Variants in SNTG2 observed in about 807,000 individuals in gnomAD.
SNTG2 encodes syntrophin gamma 2.
In SNTG2, 74 loss-of-function variants were observed where a neutral mutation model predicts 70.9. The ratio of observed to expected loss-of-function variants is 1.04; its 90% CI spans 0.86 to 1.27. The LOEUF (loss-of-function observed/expected upper bound fraction) is 1.27, where lower values mean the gene tolerates loss of function less well. Among genes scored for constraint, SNTG2 ranks in the 50% most tolerant of loss-of-function variants. SNTG2 has a pLI of 0.00. For synonymous variants in SNTG2, 278 were observed against 273.8 expected (o/e 1.02, Z -0.15); for missense variants, 717 against 690.7 (o/e 1.04, Z -0.43).
At chr2:1,080,917 C>T (rs1475587526) in intron 1 of SNTG2, among the ~76,000 whole-genome samples, 2 of 152,114 alleles carry the variant, frequency 1.3e-5, no homozygotes, top group Non-Finnish European at 2.9e-5. Context: ...CTCCATTCTG[C>T]AGGAATCATT....
intron 4 of SNTG2, among the ~76,000 whole-genome samples, chr2:1,111,542 C>T (rs779746808): frequency 1.3e-5 from 2 of 152,190 alleles, no homozygotes; most frequent in African/African-American, 4.8e-5. Context: ...GCCATTGCTC[C>T]TCAAGTTCAG....
At chr2:1,208,954 C>T (rs1673852235) in intron 8 of SNTG2, 149 bp from the exon 9 acceptor site, 2 of 961,832 alleles carry the variant, frequency 2.1e-6, no homozygotes, top group Admixed American at 6.1e-5. Context: ...TTCTTTCTTT[C>T]CAGATCTTTC....
At chr2:1,234,090 T>C (rs28548900) in intron 9 of SNTG2, among the ~76,000 whole-genome samples, 48,111 of 152,040 alleles carry the variant, frequency 0.32, 9,075 homozygotes, top group African/African-American at 0.53. Flanking sequence ...GCGGCCACCA[T>C]GAGGCGGGTA....
At chr2:1,004,596 A>G (rs1480321532) in intron 1 of SNTG2, among the ~76,000 whole-genome samples, 1 of 152,228 alleles carries the variant, frequency 6.6e-6, no homozygotes, top group East Asian at 1.9e-4. Context: ...ATTGCAAATT[A>G]CAGCCGCAAT....
intron 9 of SNTG2, among the ~76,000 whole-genome samples, chr2:1,234,747 G>A (rs1484250306): frequency 2.0e-5 from 3 of 152,220 alleles, no homozygotes; most frequent in Non-Finnish European, 4.4e-5. Context: ...CAAGACCACA[G>A]CATCGATAAA....
At chr2:1,216,160 C>T (rs556218024) in intron 9 of SNTG2, among the ~76,000 whole-genome samples, 1 of 152,224 alleles carries the variant, frequency 6.6e-6, no homozygotes. Context: ...AACTAGTTTA[C>T]AGTCCCACCA....
chr2:1,092,319 AGTGAGGCCAGGCCTGT>A, intron 2 of SNTG2, among the ~76,000 whole-genome samples: 1 of 151,928 alleles, frequency 6.6e-6, no homozygotes, highest in Non-Finnish European at 1.5e-5. Context: ...TCCTTACAAG[AGTGAGGCCAGGCCTGT>A]GTGAGGAGTA....
intron 8 of SNTG2, among the ~76,000 whole-genome samples, chr2:1,207,464 T>C (rs1468650345): frequency 2.6e-5 from 4 of 152,196 alleles, no homozygotes; most frequent in Non-Finnish European, 5.9e-5. Context: ...CGATGCCGCC[T>C]CTTCTGTATG....
intron 6 of SNTG2, among the ~76,000 whole-genome samples, chr2:1,150,143 G>A (rs4284866): frequency 0.94 from 142,486 of 152,112 alleles, 66,859 homozygotes; most frequent in Non-Finnish European, 0.97. Context: ...ACTATTTTGA[G>A]AGGCTGTTTT....
intron 4 of SNTG2, among the ~76,000 whole-genome samples, chr2:1,115,574 A>AT (rs1666902703): frequency 6.6e-6 from 1 of 151,044 alleles, no homozygotes; most frequent in Non-Finnish European, 1.5e-5. Context: ...AATCTTGTGT[A>AT]CTAAGTGAGG....
At chr2:1,132,360 T>G (rs938537977) in intron 4 of SNTG2, among the ~76,000 whole-genome samples, 1 of 151,834 alleles carries the variant, frequency 6.6e-6, no homozygotes, top group African/African-American at 2.4e-5. Flanking sequence ...CACGGGGAAG[T>G]TGAGTAAAAG....
chr2:1,223,120 GGT>G, intron 9 of SNTG2, among the ~76,000 whole-genome samples: 1 of 37,488 alleles, frequency 2.7e-5, no homozygotes, highest in Non-Finnish European at 5.0e-5. Flanking sequence ...AGAGGAAAGC[GGT>G]GCAGTGATGG....
At chr2:1,265,398 GCACA>G (rs61302188) in intron 13 of SNTG2, among the ~76,000 whole-genome samples, 187 of 152,284 alleles carry the variant, frequency 1.2e-3, no homozygotes, top group African/African-American at 4.4e-3. Flanking sequence ...GTTCATGTGT[GCACA>G]CACATTCTCA....
Position 1,136,521 on chromosome 2 carries a change from C to A in SNTG2, c.326-1101C>A, listed in dbSNP as rs146371798. Among the ~76,000 whole-genome samples, 21 of 152,236 alleles carry A rather than the reference C, an allele frequency of 1.4e-4. No individual in the cohort carries two copies. In the East Asian group the frequency reaches 4.1e-3, roughly 29 times the overall value. ...TACAGAATCGGTACCATTACGTACA[C>A]TGATATGAAAACTATAGTTTCAACA... On this transcript the variant is annotated intron_variant, in intron 4 of 16. Coordinates refer to ENST00000308624, the MANE Select transcript of SNTG2 (RefSeq NM_018968.4).
At chr2:994,471 C>G (rs1332950901) in intron 1 of SNTG2, among the ~76,000 whole-genome samples, 6 of 152,024 alleles carry the variant, frequency 3.9e-5, no homozygotes, top group African/African-American at 1.4e-4. Flanking sequence ...AAATGTGAAC[C>G]TCCAACTTTG....
chr2:1,112,391 T>G (rs1292105866), intron 4 of SNTG2, among the ~76,000 whole-genome samples: 5 of 151,618 alleles, frequency 3.3e-5, no homozygotes, highest in African/African-American at 1.2e-4. Flanking sequence ...CTCACAGTAC[T>G]TGGAGGAGGA....
intron 4 of SNTG2, among the ~76,000 whole-genome samples, chr2:1,137,218 C>G (rs1404179146): frequency 6.6e-6 from 1 of 151,816 alleles, no homozygotes; most frequent in Admixed American, 6.6e-5. Context: ...ATCCATGGCA[C>G]ACACATCAAC....
intron 16 of SNTG2, 113 bp from the exon 17 acceptor site, chr2:1,367,230 A>AT: frequency 3.0e-6 from 3 of 989,246 alleles, no homozygotes; most frequent in Non-Finnish European, 2.9e-6. Context: ...GTCTATTATT[A>AT]TTTTTTTGGA....
chr2:1,327,234 T>C (rs187283292), intron 16 of SNTG2, among the ~76,000 whole-genome samples: 21 of 152,228 alleles, frequency 1.4e-4, no homozygotes, highest in African/African-American at 5.1e-4. Context: ...CTTAGAAACA[T>C]AGGCTTTCTA....
Sources: gnomAD v4.1 joint callset for allele counts (sites outside exome capture counted in the v4.1 genomes callset) on GRCh38, gnomAD v4.1.1 for gene constraint, MANE v1.5 for transcripts, NCBI Gene and HGNC (gene_info 2026-07-23, HGNC 2026-07-21) for gene names.